The following CIMIP5 variants were observed in gnomAD, a reference collection of about 807,000 sequenced individuals.
CIMIP5 encodes the protein ciliary microtubule inner protein 5, also known as uncharacterized protein C2orf50.
At chr2:11,141,899 C>A in the CIMIP5 span, among the ~76,000 whole-genome samples, 3 of 152,144 alleles carry the variant, frequency 2.0e-5, no homozygotes, top group Non-Finnish European at 1.5e-5. Context: ...CCCCATCCCC[C>A]AGAGACCATA....
chr2:11,141,049 C>G, the CIMIP5 span, among the ~76,000 whole-genome samples: 8 of 150,504 alleles, frequency 5.3e-5, no homozygotes, highest in African/African-American at 1.7e-4. Context: ...AGGTGGCTTA[C>G]AAAGCCTCCT....
At chr2:11,147,057 A>G in the CIMIP5 span, among the ~76,000 whole-genome samples, 534 of 152,356 alleles carry the variant, frequency 3.5e-3, 5 homozygotes, top group African/African-American at 0.012. Context: ...GAGGAGGGCC[A>G]GGGACCAGCG....
At chr2:11,146,426 C>T in the CIMIP5 span, 4 of 152,144 alleles carry the variant, frequency 2.6e-5, no homozygotes, top group Non-Finnish European at 5.9e-5. Flanking sequence ...TAGCAAATTA[C>T]AGGATTTTTC....
At chr2:11,143,109 C>A in the CIMIP5 span, among the ~76,000 whole-genome samples, 1 of 152,254 alleles carries the variant, frequency 6.6e-6, no homozygotes, top group East Asian at 1.9e-4. Flanking sequence ...AAGCCCCAAA[C>A]TAGAATCAAC....
chr2:11,152,501 G>C, the CIMIP5 span, among the ~76,000 whole-genome samples: 297 of 152,242 alleles, frequency 2.0e-3, 2 homozygotes, highest in African/African-American at 6.9e-3. Flanking sequence ...TTTTTGCAAA[G>C]GTGGTTTCAA....
the CIMIP5 span, among the ~76,000 whole-genome samples, chr2:11,135,648 TTTTTTTGGGG>T: frequency 9.9e-6 from 1 of 101,248 alleles, no homozygotes; most frequent in African/African-American, 4.1e-5. Flanking sequence ...CCAGGCTGGT[TTTTTTTGGGG>T]TTTTTTTGGT....
At chr2:11,139,104 G>T in the CIMIP5 span, among the ~76,000 whole-genome samples, 1 of 151,996 alleles carries the variant, frequency 6.6e-6, no homozygotes, top group Admixed American at 6.6e-5. Flanking sequence ...TTTTGGTGGA[G>T]ACAGGGTTTC....
chr2:11,144,027 G>A, the CIMIP5 span: 1 of 1,607,716 alleles, frequency 6.2e-7, no homozygotes, highest in Middle Eastern at 1.7e-4. Context: ...ACACACCCCT[G>A]GGACAGACTC....
At chr2:11,143,013 C>T in the CIMIP5 span, among the ~76,000 whole-genome samples, 2 of 152,178 alleles carry the variant, frequency 1.3e-5, no homozygotes, top group Non-Finnish European at 2.9e-5. Context: ...CATCAGATTA[C>T]ATTTAGTCAT....
chr2:11,143,952 C>T, the CIMIP5 span: 1 of 1,601,658 alleles, frequency 6.2e-7, no homozygotes, highest in Non-Finnish European at 8.5e-7. Context: ...AGTTGCCAGA[C>T]CATGTGCCTC....
the CIMIP5 span, chr2:11,133,439 C>A: frequency 6.2e-7 from 1 of 1,610,460 alleles, no homozygotes; most frequent in Non-Finnish European, 8.5e-7. Flanking sequence ...CCCGGGGTGG[C>A]CCTATGGCCA....
the CIMIP5 span, chr2:11,144,185 C>A: frequency 7.6e-7 from 1 of 1,311,730 alleles, no homozygotes; most frequent in Non-Finnish European, 1.0e-6. Flanking sequence ...ACAACAGCAC[C>A]AGTCAGCTCC....
At chr2:11,139,016 C>T in the CIMIP5 span, among the ~76,000 whole-genome samples, 2 of 152,112 alleles carry the variant, frequency 1.3e-5, no homozygotes, top group Admixed American at 6.5e-5. Flanking sequence ...CTCCTGGGCT[C>T]AAGCGATTCT....
At chr2:11,153,168 C>A in the CIMIP5 span, among the ~76,000 whole-genome samples, 2 of 152,198 alleles carry the variant, frequency 1.3e-5, no homozygotes, top group Admixed American at 6.5e-5. Context: ...CTGGTCTTCA[C>A]GCAAAGTAGC....
the CIMIP5 span, chr2:11,133,322 A>ACACACACACACACACC: frequency 1.9e-6 from 3 of 1,574,810 alleles, no homozygotes; most frequent in African/African-American, 4.9e-5. Context: ...ACACACACAC[A>ACACACACACACACACC]CACACTTGCA....
At chr2:11,146,814 T>C in the CIMIP5 span, 1 of 152,284 alleles carries the variant, frequency 6.6e-6, no homozygotes, top group Admixed American at 6.5e-5. Context: ...CTGCATCCCA[T>C]GAAGGTCAAG....
At chr2:11,135,097 C>T in the CIMIP5 span, among the ~76,000 whole-genome samples, 1 of 152,190 alleles carries the variant, frequency 6.6e-6, no homozygotes, top group East Asian at 1.9e-4. Context: ...AGAGCTCATC[C>T]ATTACCGCAA....
At chr2:11,133,159 C>G in the CIMIP5 span, 149 of 681,128 alleles carry the variant, frequency 2.2e-4, 1 homozygote, top group African/African-American at 1.8e-3. Context: ...AGAGCCCTGT[C>G]CCCATCGGCC....
chr2:11,136,718 G>A, the CIMIP5 span, among the ~76,000 whole-genome samples: 5 of 152,154 alleles, frequency 3.3e-5, no homozygotes, highest in Non-Finnish European at 5.9e-5. Flanking sequence ...TATATTAAAA[G>A]TCATTTAATT....
Sources: gnomAD v4.1 joint callset for allele counts (sites outside exome capture counted in the v4.1 genomes callset) on GRCh38, gnomAD v4.1.1 for gene constraint, MANE v1.5 for transcripts, NCBI Gene and HGNC (gene_info 2026-07-23, HGNC 2026-07-21) for gene names.